Variants in PRXL2B observed in about 807,000 individuals in gnomAD.
PRXL2B encodes the protein peroxiredoxin like 2B.
Under a neutral mutation model 24.4 loss-of-function variants are expected in PRXL2B, and 26 were observed. The observed-to-expected ratio is 1.07, with a 90% CI of 0.78 to 1.48. The LOEUF (loss-of-function observed/expected upper bound fraction) is 1.48, where lower values mean the gene tolerates loss of function less well. Among genes scored for constraint, PRXL2B ranks in the 40% most tolerant of loss-of-function variants. The pLI, the probability that PRXL2B is intolerant of heterozygous loss-of-function variation, is 0.00. For missense variants in PRXL2B, 269 were observed against 264.8 expected, an observed-to-expected ratio of 1.02 and a Z score of -0.11; for synonymous variants, 115 against 118.9, an observed-to-expected ratio of 0.97 and a Z score of 0.21.
chr1:2,587,029 G>T lies in PRXL2B; in HGVS notation c.64-62G>T. On this transcript the variant is annotated intron_variant, in intron 1 of 6. Coordinates refer to ENST00000419916, the MANE Select transcript of PRXL2B (RefSeq NM_152371.5). The surrounding 1 kb of genome is among the most constrained non-coding windows in gnomAD (Gnocchi z 6.1). Reference sequence around the variant, plus strand: ...TCCTGGCAGCGATGGGGTGGTGGGGGCCGCGGGGCCTGGGCGGGGCTGGGG... The same window carrying T: ...TCCTGGCAGCGATGGGGTGGTGGGGTCCGCGGGGCCTGGGCGGGGCTGGGG... 1.8e-6 allele frequency: 2 copies of T among 1,111,652 alleles called. No homozygotes were observed. The highest frequency in any genetic ancestry group is 2.2e-5 in the South Asian group (1 of 44,732). 68.9% of individuals were successfully genotyped at this position (1,111,652 alleles called of 1,614,324 possible).
rs529967810 is a variant in PRXL2B at position 2,590,852 on chromosome 1, A to G, written c.*1425A>G. Reference sequence around the variant, plus strand: ...CAGGCAGGTGGCTGCACCCTAGGCCAGGCGCAGAGGCCTGGCAGGCAGGCT... The same window carrying G: ...CAGGCAGGTGGCTGCACCCTAGGCCGGGCGCAGAGGCCTGGCAGGCAGGCT... On this transcript the variant is annotated 3_prime_UTR_variant, in exon 7 of 7. Transcript: ENST00000419916. The G allele has an allele frequency of 1.2e-4, 70 of 602,742 alleles. No individual in the cohort carries two copies. The African/African-American group carries it at 1.2e-3, about 10-fold the overall frequency. The allele number at this position is 602,742 out of a possible 1,614,324, so 37.3% of individuals were successfully genotyped here. A position where few individuals can be genotyped will look rare whatever the true frequency, so the allele number is the denominator to read the frequency against.
chr1:2,587,092 C>T lies in PRXL2B; in HGVS notation c.65C>T (p.Ala22Val). 6 of 1,527,824 alleles carry T rather than the reference C, an allele frequency of 3.9e-6. No individual in the cohort carries two copies. Among genetic ancestry groups the T allele is most frequent in the Non-Finnish European group, 5.2e-6 (6 of 1,145,130 alleles). 94.6% of individuals were successfully genotyped at this position (1,527,824 alleles called of 1,614,324 possible). Residue 22 changes from alanine (A) to valine (V), a missense_variant and splice_region_variant, in exon 2 of 7, where the codon GCC (alanine) becomes GTC (valine). Ala to Val is a moderately conservative substitution (Grantham distance 64). Coordinates refer to ENST00000419916, the MANE Select transcript of PRXL2B (RefSeq NM_152371.5). The surrounding 1 kb of genome is among the most constrained non-coding windows in gnomAD (Gnocchi z 6.1). ...GCCCATGACCCAGCCGCCCGGCAGGCCGTGGAGCTGCGGAGCCTGTGGCGG... is the reference window on the plus strand; with the variant it reads ...GCCCATGACCCAGCCGCCCGGCAGGTCGTGGAGCTGCGGAGCCTGTGGCGG... ...CILKHAVTGE[A>V]VELRSLWREH...
chr1:2,591,186 G>T lies in PRXL2B; in HGVS notation c.*1759G>T. 1.3e-6 allele frequency: 1 copy of T among 781,798 alleles called. No homozygotes were observed. The highest frequency in any genetic ancestry group is 2.0e-6 in the Non-Finnish European group (1 of 500,754). The allele number at this position is 781,798 out of a possible 1,614,324, so 48.4% of individuals were successfully genotyped here. A position where few individuals can be genotyped will look rare whatever the true frequency, so the allele number is the denominator to read the frequency against. On this transcript the variant is annotated 3_prime_UTR_variant, in exon 7 of 7. Transcript: ENST00000419916. ...GATTAAAAACCAGCCCAAAACATCA[G>T]CCTAATGGCTCATGTCAGTATGAGC...
chr1:2,587,391 C>T lies in PRXL2B; in HGVS notation c.268+96C>T. ...TGCCCAACCCCGGCCCTTCTGTCTGCTGGAGCGGCCTTGATATGCCCACGG... is the reference window on the plus strand; with the variant it reads ...TGCCCAACCCCGGCCCTTCTGTCTGTTGGAGCGGCCTTGATATGCCCACGG... On this transcript the variant is annotated intron_variant, in intron 2 of 6. Coordinates refer to ENST00000419916, the MANE Select transcript of PRXL2B (RefSeq NM_152371.5). The surrounding 1 kb of genome is among the most constrained non-coding windows in gnomAD (Gnocchi z 6.1). 7.2e-7 allele frequency: 1 copy of T among 1,393,086 alleles called. No individual in the cohort carries two copies. The highest frequency in any genetic ancestry group is 1.8e-4 in the Middle Eastern group (1 of 5,578). The allele number at this position is 1,393,086 out of a possible 1,614,324, so 86.3% of individuals were successfully genotyped here. A position where few individuals can be genotyped will look rare whatever the true frequency, so the allele number is the denominator to read the frequency against.
At chr1:2,588,672 C>T (rs769432076) in intron 5 of PRXL2B, 47 bp downstream of exon 5, 10 of 1,592,050 alleles carry the variant, frequency 6.3e-6, no homozygotes, top group African/African-American at 5.4e-5. Context: ...GAGGGCCTTG[C>T]TGAACTTGGT....
Position 2,589,945 on chromosome 1 carries a change from A to C in PRXL2B, c.*518A>C. 6.3e-6 allele frequency: 1 copy of C among 159,746 alleles called. No individual in the cohort carries two copies. The allele number at this position is 159,746 out of a possible 1,614,324, so 9.9% of individuals were successfully genotyped here. A position where few individuals can be genotyped will look rare whatever the true frequency, so the allele number is the denominator to read the frequency against. On this transcript the variant is annotated 3_prime_UTR_variant, in exon 7 of 7. Transcript: ENST00000419916. ...CTGGTGGGGTGGGTGGACCCTGGAG[A>C]CTCTCAGGTGATGGGCCAGCCTGCC...
In PRXL2B at chr1:2,586,864, A is replaced by G; in HGVS notation, c.-22A>G. On this transcript the variant is annotated 5_prime_UTR_variant, in exon 1 of 7. Coordinates refer to ENST00000419916, the MANE Select transcript of PRXL2B (RefSeq NM_152371.5). ...GGAACAGGGAGTCGGGGAGCCGGGA[A>G]CCAGGGCTGGCAGCGGCCGCCATGA... The G allele has an allele frequency of 7.8e-7, 1 of 1,289,638 alleles. No homozygotes were observed. Among genetic ancestry groups the G allele is most frequent in the Non-Finnish European group, 9.8e-7 (1 of 1,019,418 alleles). 79.9% of individuals were successfully genotyped at this position (1,289,638 alleles called of 1,614,324 possible).
Position 2,588,380 on chromosome 1 carries a change from G to A in PRXL2B, c.321-10G>A. On this transcript the variant is annotated splice_polypyrimidine_tract_variant and intron_variant, in intron 3 of 6. Transcript: ENST00000419916. ...CCGGAGTTTGGCCAAGCGACCTGGT[G>A]TCTTCGCAGGTACAACAGCCTGAGC... The A allele has an allele frequency of 3.7e-6, 6 of 1,614,182 alleles. No homozygotes were observed. Among genetic ancestry groups the A allele is most frequent in the Non-Finnish European group, 5.1e-6 (6 of 1,180,042 alleles).
Position 2,587,798 on chromosome 1 carries a change from TG to T in PRXL2B, c.320+11del, listed in dbSNP as rs748140146. 5.7e-6 allele frequency: 5 copies of T among 875,032 alleles called. No homozygotes were observed. The South Asian group carries it at 6.0e-5, about 10-fold the overall frequency. The allele number at this position is 875,032 out of a possible 1,614,324, so 54.2% of individuals were successfully genotyped here. ...AAGGAGCTAGGCTTCAAGCGGTGAG[TG>T]GGGGCGGGAACCCTTGGGTAGCGTG... On this transcript the variant is annotated splice_region_variant and intron_variant, in intron 3 of 6. Coordinates refer to ENST00000419916, the MANE Select transcript of PRXL2B (RefSeq NM_152371.5). This position sits in a 1 kb window ranked among gnomAD's most constrained non-coding sequence, Gnocchi z 6.1.
rs1324356367 is a variant in PRXL2B at position 2,586,924 on chromosome 1, C to T, written c.39C>T (p.Ile13=). The change falls in exon 1 of 7, where the codon ATC becomes ATT. Residue 13 remains isoleucine, a synonymous_variant. Transcript: ENST00000419916. ...TVDLARVGAC[I]LKHAVTGEAV... is the part of the protein sequence containing the mutation. ...ACCTTGCTCGCGTGGGCGCGTGCAT[C>T]CTGAAGCATGCGGTGACCGGGGAGG... The T allele has an allele frequency of 1.5e-6, 2 of 1,322,892 alleles. No individual in the cohort carries two copies. The highest frequency in any genetic ancestry group is 1.9e-6 in the Non-Finnish European group (2 of 1,039,422). 81.9% of individuals were successfully genotyped at this position (1,322,892 alleles called of 1,614,324 possible).
chr1:2,586,719 C>T, upstream of PRXL2B: 1 of 1,237,412 alleles, frequency 8.1e-7, no homozygotes, highest in Non-Finnish European at 1.0e-6. Flanking sequence ...CGGAGACGAG[C>T]CCGAAGGGGC....
rs1020669430 is a variant in PRXL2B at position 2,587,280 on chromosome 1, G to A, written c.253G>A (p.Asp85Asn). ...GGGTCTGCAGGAGTTCCTGGACGGC[G>A]ACTACTTCGCGGGAGGTGCGTCCTG... The part of the protein sequence containing the change: ...ALGLQEFLDG[D>N]YFAGELYLDE... The change falls in exon 2 of 7, where the codon GAC (aspartate) becomes AAC (asparagine). Residue 85 changes from aspartate to asparagine, a missense_variant. By Grantham distance (23) the Asp-to-Asn change is conservative. Transcript: ENST00000419916. The surrounding 1 kb of genome is among the most constrained non-coding windows in gnomAD (Gnocchi z 6.1). 1 of 1,570,404 alleles carries A rather than the reference G, an allele frequency of 6.4e-7. No individual in the cohort carries two copies. The highest frequency in any genetic ancestry group is 8.6e-7 in the Non-Finnish European group (1 of 1,164,394).
In PRXL2B at chr1:2,587,178, G is replaced by T; in HGVS notation, c.151G>T (p.Ala51Ser). The T allele has an allele frequency of 6.4e-7, 1 of 1,559,450 alleles. No homozygotes were observed. The change falls in exon 2 of 7, where the codon GCC (alanine) becomes TCC (serine). Residue 51 changes from alanine (A) to serine (S), a missense_variant. Physicochemically the swap from Ala to Ser is moderately conservative, Grantham distance 99. Coordinates refer to ENST00000419916, the MANE Select transcript of PRXL2B (RefSeq NM_152371.5). This position sits in a 1 kb window ranked among gnomAD's most constrained non-coding sequence, Gnocchi z 6.1. ...RFGCVVCRWI[A>S]QDLSSLAGLL... The stretch of plus-strand genomic sequence containing the variant: ...CGGGTGCGTGGTGTGCCGCTGGATC[G>T]CCCAGGACCTCAGCAGCCTTGCTGG...
At position 2,588,382 on chromosome 1, in the gene PRXL2B, C is replaced by G. The variant is rs1570621100; in HGVS notation, c.321-8C>G. 6.2e-7 allele frequency: 1 copy of G among 1,614,168 alleles called. No individual in the cohort carries two copies. The highest frequency in any genetic ancestry group is 2.2e-5 in the East Asian group (1 of 44,886). Reference sequence around the variant, plus strand: ...GGAGTTTGGCCAAGCGACCTGGTGTCTTCGCAGGTACAACAGCCTGAGCAT... The same window carrying G: ...GGAGTTTGGCCAAGCGACCTGGTGTGTTCGCAGGTACAACAGCCTGAGCAT... On this transcript the variant is annotated splice_polypyrimidine_tract_variant and splice_region_variant and intron_variant, in intron 3 of 6. Coordinates refer to ENST00000419916, the MANE Select transcript of PRXL2B (RefSeq NM_152371.5).
At position 2,591,044 on chromosome 1, in the gene PRXL2B, G is replaced by A; in HGVS notation, c.*1617G>A. ...GCATGGGGGTGCCCCGGGCACAGTG[G>A]AACGTGTCTGCGAAGGCGGCCAGGT... On this transcript the variant is annotated 3_prime_UTR_variant, in exon 7 of 7. Transcript: ENST00000419916. 2 of 1,606,998 alleles carry A rather than the reference G, an allele frequency of 1.2e-6. No homozygotes were observed. The highest frequency in any genetic ancestry group is 1.7e-6 in the Non-Finnish European group (2 of 1,177,480).
rs944717893 is a variant in PRXL2B, at chr1:2,587,596, C to T, written c.269-145C>T. 2.4e-5 allele frequency: 23 copies of T among 977,916 alleles called. No homozygotes were observed. Among genetic ancestry groups the T allele is most frequent in the Admixed American group, 6.1e-5 (3 of 49,114 alleles). 60.6% of individuals were successfully genotyped at this position (977,916 alleles called of 1,614,324 possible). ...GGGGGGACACTCAGCCCCGTTTTAC[C>T]CCTCCCTGCCCTGCGGGGGTGGGCT... On this transcript the variant is annotated intron_variant, in intron 2 of 6. Coordinates refer to ENST00000419916, the MANE Select transcript of PRXL2B (RefSeq NM_152371.5). This position sits in a 1 kb window ranked among gnomAD's most constrained non-coding sequence, Gnocchi z 6.1.
At chr1:2,586,568 C>G, upstream of PRXL2B, 1 of 449,174 alleles carries the variant, frequency 2.2e-6, no homozygotes. Context: ...GATTTGGCGC[C>G]GCGATCTCGA....
At chr1:2,586,969 G>A (rs1644533904) in intron 1 of PRXL2B, 21 bp downstream of exon 1, 1 of 1,318,526 alleles carries the variant, frequency 7.6e-7, no homozygotes, top group Admixed American at 4.1e-5. Context: ...GTGGACGCAG[G>A]GCGGTGGGCG....
Position 2,589,517 on chromosome 1 carries a change from G to A in PRXL2B, c.*90G>A. 6.3e-7 allele frequency: 1 copy of A among 1,593,128 alleles called. No individual in the cohort carries two copies. The highest frequency in any genetic ancestry group is 8.6e-7 in the Non-Finnish European group (1 of 1,165,702). On this transcript the variant is annotated 3_prime_UTR_variant, in exon 7 of 7. Coordinates refer to ENST00000419916, the MANE Select transcript of PRXL2B (RefSeq NM_152371.5). The stretch of plus-strand genomic sequence containing the variant: ...TCCACTTGGAAGAACTGTTCCGGAG[G>A]CGCTGGGTCGGGATGCCGAACCTCT...
Sources: gnomAD v4.1 joint callset for allele counts on GRCh38, gnomAD v4.1.1 for gene constraint, Gnocchi (gnomAD v3.1) non-coding constraint, MANE v1.5 for transcripts, NCBI Gene and HGNC (gene_info 2026-07-23, HGNC 2026-07-21) for gene names.